TRAPPC9: variants seen among roughly 807,000 people sequenced by gnomAD.
TRAPPC9 encodes IKK2 binding protein.
In TRAPPC9, 83 loss-of-function variants were observed where a neutral mutation model predicts 124.0. The ratio of observed to expected loss-of-function variants is 0.67; its 90% CI spans 0.56 to 0.80. The LOEUF (loss-of-function observed/expected upper bound fraction) is 0.80, where lower values mean the gene tolerates loss of function less well. Among genes scored for constraint, TRAPPC9 ranks in the 30% least tolerant of loss-of-function variants. The probability of loss-of-function intolerance (pLI) is 0.00; values close to 1 mark genes in which losing one functional copy is unlikely to be tolerated. For synonymous variants in TRAPPC9, 638 were observed against 617.5 expected, an observed-to-expected ratio of 1.03 and a Z score of -0.49; for missense variants, 1,302 against 1,508.3, an observed-to-expected ratio of 0.86 and a Z score of 2.27.
At chr8:140,199,876 T>C (rs1481952984) in intron 17 of TRAPPC9, among the ~76,000 whole-genome samples, 1 of 152,180 alleles carries the variant, frequency 6.6e-6, no homozygotes, top group Non-Finnish European at 1.5e-5. Flanking sequence ...GACAATGTTT[T>C]GACTGAAAAC....
chr8:139,813,819 A>C (rs1001137253), intron 21 of TRAPPC9, among the ~76,000 whole-genome samples: 3 of 152,224 alleles, frequency 2.0e-5, no homozygotes, highest in Admixed American at 2.0e-4. Flanking sequence ...GTAGCAGACA[A>C]AAACCACATG....
At chr8:140,221,360 G>T in intron 17 of TRAPPC9, 99 bp downstream of exon 17, 2 of 1,525,032 alleles carry the variant, frequency 1.3e-6, no homozygotes, top group Non-Finnish European at 1.8e-6. Flanking sequence ...AATACACATA[G>T]CCTTTCCTTT....
At chr8:140,175,272 A>T (rs1307051106) in intron 17 of TRAPPC9, among the ~76,000 whole-genome samples, 1 of 151,914 alleles carries the variant, frequency 6.6e-6, no homozygotes, top group Non-Finnish European at 1.5e-5. Context: ...TGGTTTTTGA[A>T]TTATGAACCT....
chr8:139,753,969 G>A (rs969877502), intron 21 of TRAPPC9, among the ~76,000 whole-genome samples: 2 of 152,230 alleles, frequency 1.3e-5, no homozygotes, highest in African/African-American at 4.8e-5. Context: ...CCTTGGCACA[G>A]AGCAGGTATT....
At chr8:139,741,968 G>A (rs573443340) in intron 21 of TRAPPC9, among the ~76,000 whole-genome samples, 14 of 152,336 alleles carry the variant, frequency 9.2e-5, no homozygotes, top group African/African-American at 3.1e-4. Flanking sequence ...GATGAGTGGT[G>A]CTGCTGTGCA....
At chr8:140,038,162 G>A (rs374534541) in intron 17 of TRAPPC9, among the ~76,000 whole-genome samples, 1 of 151,972 alleles carries the variant, frequency 6.6e-6, no homozygotes, top group African/African-American at 2.4e-5. Context: ...ATCATGTGAG[G>A]AACGGAGAAT....
At chr8:140,046,047 G>T (rs201797456) in intron 17 of TRAPPC9, among the ~76,000 whole-genome samples, 17,794 of 152,064 alleles carry the variant, frequency 0.12, 1,481 homozygotes, top group East Asian at 0.39. Context: ...CTAGATGGGA[G>T]GATGGGACTC....
intron 18 of TRAPPC9, among the ~76,000 whole-genome samples, chr8:140,022,853 T>G (rs1839901131): frequency 6.6e-6 from 1 of 152,196 alleles, no homozygotes; most frequent in African/African-American, 2.4e-5. Context: ...AGCTAAACCA[T>G]TAATTCTTGC....
chr8:140,325,279 C>G (rs2066706884), intron 9 of TRAPPC9, among the ~76,000 whole-genome samples: 1 of 151,934 alleles, frequency 6.6e-6, no homozygotes, highest in Non-Finnish European at 1.5e-5. Flanking sequence ...TAAGTCTGCA[C>G]TGTAGAAGCT....
chr8:139,772,583 T>C (rs1469222105), intron 21 of TRAPPC9, among the ~76,000 whole-genome samples: 1 of 152,174 alleles, frequency 6.6e-6, no homozygotes, highest in Non-Finnish European at 1.5e-5. Flanking sequence ...CGGCTACACA[T>C]AAAATTCCCA....
chr8:139,985,025 C>T (rs1487022859), intron 19 of TRAPPC9, among the ~76,000 whole-genome samples: 1 of 152,156 alleles, frequency 6.6e-6, no homozygotes, highest in Non-Finnish European at 1.5e-5. Context: ...ACGCCTGAAG[C>T]CTGACACGGG....
intron 21 of TRAPPC9, among the ~76,000 whole-genome samples, chr8:139,830,953 G>A (rs1825951407): frequency 6.6e-6 from 1 of 152,230 alleles, no homozygotes. Context: ...CTCCATCGCT[G>A]GCCGCGCTGA....
intron 21 of TRAPPC9, among the ~76,000 whole-genome samples, chr8:139,793,689 T>G (rs7820154): frequency 0.23 from 35,706 of 152,024 alleles, 5,816 homozygotes; most frequent in African/African-American, 0.44. Context: ...GTGGCCTGGG[T>G]TCAGAGGCTG....
chr8:140,333,402 T>C (rs953937447), intron 9 of TRAPPC9, among the ~76,000 whole-genome samples: 1 of 152,224 alleles, frequency 6.6e-6, no homozygotes, highest in Non-Finnish European at 1.5e-5. Flanking sequence ...TTGTTTGTTG[T>C]TGTTGTTGAG....
chr8:140,319,570 G>T (rs1032010534), intron 9 of TRAPPC9, among the ~76,000 whole-genome samples: 3 of 152,068 alleles, frequency 2.0e-5, no homozygotes, highest in African/African-American at 7.2e-5. Context: ...AGGCTCAAGC[G>T]ATCCTCCCAC....
chr8:139,844,656 C>T (rs975592086), intron 21 of TRAPPC9, among the ~76,000 whole-genome samples: 2 of 152,052 alleles, frequency 1.3e-5, no homozygotes, highest in Non-Finnish European at 2.9e-5. Context: ...AGCAGGAGAG[C>T]GGGGAGGAGC....
rs567306578 is a variant in TRAPPC9 at position 139,887,628 on chromosome 8, G to A, written c.2965-1659C>T. Among the ~76,000 whole-genome samples the A allele has an allele frequency of 3.3e-5, 5 of 152,256 alleles. No individual in the cohort carries two copies. The East Asian group carries it at 7.7e-4, about 24-fold the overall frequency. ...CACTCTGCGTGTTCTGCCTGGAAAT[G>A]TCTTTCCCTGCCCTCTTCTCTTCCC... On this transcript the variant is annotated intron_variant, in intron 20 of 22. Transcript: ENST00000438773.
intron 21 of TRAPPC9, among the ~76,000 whole-genome samples, chr8:139,753,210 T>C (rs1265259467): frequency 6.9e-6 from 1 of 144,824 alleles, no homozygotes. Flanking sequence ...TTCACCCATC[T>C]ACCATCCATC....
intron 7 of TRAPPC9, among the ~76,000 whole-genome samples, chr8:140,376,800 T>C (rs2068453221): frequency 6.8e-6 from 1 of 147,532 alleles, no homozygotes; most frequent in African/African-American, 2.5e-5. Context: ...CACTTGAACC[T>C]GGGAGGTGGA....
Sources: gnomAD v4.1 joint callset for allele counts (sites outside exome capture counted in the v4.1 genomes callset) on GRCh38, gnomAD v4.1.1 for gene constraint, MANE v1.5 for transcripts, NCBI Gene and HGNC (gene_info 2026-07-23, HGNC 2026-07-21) for gene names.